ISY1: variants seen among roughly 807,000 people sequenced by gnomAD.
The protein encoded by ISY1 is ISY1 spliceosome associated protein, also known as pre-mRNA-splicing factor ISY1 homolog.
A neutral mutation model predicts 54.4 loss-of-function variants in ISY1; 12 were observed. The observed-to-expected ratio is 0.22, with a 90% CI of 0.14 to 0.36. The LOEUF (loss-of-function observed/expected upper bound fraction) is 0.36, where lower values mean the gene tolerates loss of function less well. Ranked by LOEUF, ISY1 falls within the 10% of genes least tolerant of loss-of-function variation. The pLI is 1.00. For missense variants in ISY1, 282 were observed against 342.2 expected, an observed-to-expected ratio of 0.82 and a Z score of 1.39; for synonymous variants, 96 against 117.9, an observed-to-expected ratio of 0.81 and a Z score of 1.20.
intron 7 of ISY1, among the ~76,000 whole-genome samples, chr3:129,138,451 C>G (rs369003218): frequency 6.7e-6 from 1 of 150,054 alleles, no homozygotes; most frequent in Non-Finnish European, 1.5e-5. Context: ...CTGGCTAACA[C>G]GGTGAAACCC....
chr3:129,151,663 A>T (rs530394517), intron 5 of ISY1, among the ~76,000 whole-genome samples: 1 of 152,306 alleles, frequency 6.6e-6, no homozygotes, highest in African/African-American at 2.4e-5. Context: ...TTTCTATGTT[A>T]CAATAAAGAC....
intron 6 of ISY1, among the ~76,000 whole-genome samples, chr3:129,144,772 A>G (rs1197153617): frequency 6.6e-6 from 1 of 152,162 alleles, no homozygotes; most frequent in East Asian, 1.9e-4. Flanking sequence ...AAAGTTTGAA[A>G]GCTATGGTTC....
chr3:129,150,539 G>A (rs1465777561), intron 5 of ISY1, among the ~76,000 whole-genome samples: 6 of 151,936 alleles, frequency 3.9e-5, no homozygotes, highest in Admixed American at 1.3e-4. Context: ...GTGAAACCTC[G>A]TCTCTACTAA....
chr3:129,130,172 A>C lies in ISY1; in HGVS notation c.767T>G (p.Val256Gly). The C allele has an allele frequency of 6.2e-7, 1 of 1,610,458 alleles. No homozygotes were observed. Among genetic ancestry groups the C allele is most frequent in the East Asian group, 2.2e-5 (1 of 44,728 alleles). The change falls in exon 11 of 11, where the codon GTG (valine) becomes GGG (glycine). Residue 256 changes from valine (V) to glycine (G), a missense_variant. Transcript: ENST00000393295. ...PSQQEIEEAL[V>G]RRKKMELLQK... The stretch of plus-strand genomic sequence containing the variant: ...GAGGAGTTCCATTTTCTTCCTTCGC[A>C]CCAGTGCCTCCTCAATCTGTGGAAA...
chr3:129,134,693 GC>G, intron 8 of ISY1, 138 bp downstream of exon 8: 1 of 1,216,070 alleles, frequency 8.2e-7, no homozygotes, highest in Non-Finnish European at 1.1e-6. Flanking sequence ...CAGGGAATTA[GC>G]AGACCATCAC....
At chr3:129,156,522 A>C in intron 5 of ISY1, 111 bp downstream of exon 5, 1 of 1,126,128 alleles carries the variant, frequency 8.9e-7, no homozygotes, top group Non-Finnish European at 1.3e-6. Context: ...CTATGTCCTT[A>C]CTGATTTACT....
chr3:129,149,804 A>AG (rs1936903496), intron 5 of ISY1, among the ~76,000 whole-genome samples: 2 of 115,744 alleles, frequency 1.7e-5, no homozygotes, highest in East Asian at 2.5e-4. Flanking sequence ...AAAAAAAAAA[A>AG]AAAAGAAAGA....
intron 10 of ISY1, 80 bp downstream of exon 10, chr3:129,130,470 C>T (rs763486945): frequency 6.5e-6 from 10 of 1,538,066 alleles, no homozygotes; most frequent in African/African-American, 4.1e-5. Context: ...GGAAGGACAA[C>T]GAAAACCCAC....
At chr3:129,151,821 A>G (rs1936980689) in intron 5 of ISY1, among the ~76,000 whole-genome samples, 1 of 152,042 alleles carries the variant, frequency 6.6e-6, no homozygotes, top group African/African-American at 2.4e-5. Flanking sequence ...AAAGCATTCA[A>G]TCCTTCACCA....
At chr3:129,149,113 C>T (rs1025230141) in intron 5 of ISY1, among the ~76,000 whole-genome samples, 1 of 151,890 alleles carries the variant, frequency 6.6e-6, no homozygotes, top group African/African-American at 2.4e-5. Flanking sequence ...ATAACAAGAG[C>T]CCATCTTTAC....
chr3:129,135,869 C>T (rs902348965), intron 7 of ISY1, among the ~76,000 whole-genome samples: 3 of 152,002 alleles, frequency 2.0e-5, no homozygotes, highest in East Asian at 3.9e-4. Flanking sequence ...TGGGAATAAC[C>T]TATGATTGTA....
At position 129,138,980 on chromosome 3, in the gene ISY1, G is replaced by C. The variant is rs374891788; in HGVS notation, c.418+1388C>G. Among the ~76,000 whole-genome samples the C allele has an allele frequency of 3.2e-3, 492 of 151,958 alleles. 1 individual carries two copies. The highest frequency in any genetic ancestry group is 0.011 in the African/African-American group (462 of 41,474). ...GATGGAGTCCTGCTCTGCTGCCCAG[G>C]CTGGAGCGCAGTGGGACGATCTCGG... On this transcript the variant is annotated intron_variant, in intron 7 of 10. Transcript: ENST00000393295.
chr3:129,143,272 C>T (rs1936675239), intron 6 of ISY1, among the ~76,000 whole-genome samples: 1 of 150,998 alleles, frequency 6.6e-6, no homozygotes, highest in South Asian at 2.1e-4. Flanking sequence ...TTTGGGAGAC[C>T]AAGGCGGACA....
Position 129,135,006 on chromosome 3 carries a change from C to A in ISY1, c.419-52G>T, listed in dbSNP as rs769884973. 2.6e-6 allele frequency: 4 copies of A among 1,555,224 alleles called. No individual in the cohort carries two copies. The Admixed American group carries it at 7.2e-5, about 28-fold the overall frequency. Reference sequence around the variant, plus strand: ...TTTCCAAGTCATAATCACACTCCAGCGAAGCTGTCTCCTGATGCAACGCTA... The same window carrying A: ...TTTCCAAGTCATAATCACACTCCAGAGAAGCTGTCTCCTGATGCAACGCTA... On this transcript the variant is annotated intron_variant, in intron 7 of 10. Coordinates refer to ENST00000393295, the MANE Select transcript of ISY1 (RefSeq NM_020701.4).
chr3:129,136,925 C>T (rs540754100), intron 7 of ISY1, among the ~76,000 whole-genome samples: 65 of 147,534 alleles, frequency 4.4e-4, no homozygotes, highest in African/African-American at 1.5e-3. Flanking sequence ...GACAGAGCCT[C>T]ACTCTGTTGC....
At chr3:129,160,917 C>CGGCCCCGGGGGGGGGGGGGGGG in intron 1 of ISY1, 56 bp downstream of exon 1, 1 of 668,474 alleles carries the variant, frequency 1.5e-6, no homozygotes, top group Non-Finnish European at 2.7e-6. Flanking sequence ...GTGGACTGGG[C>CGGCCCCGGGGGGGGGGGGGGGG]GCCCCCCCGC....
chr3:129,140,550 T>C, intron 6 of ISY1, 65 bp from the exon 7 acceptor site: 1 of 1,491,998 alleles, frequency 6.7e-7, no homozygotes, highest in Non-Finnish European at 9.1e-7. Context: ...TATTTATTTA[T>C]TTATTTGAGG....
chr3:129,133,929 C>T (rs905967921), intron 9 of ISY1, 145 bp downstream of exon 9: 21 of 1,411,490 alleles, frequency 1.5e-5, no homozygotes, highest in Admixed American at 8.9e-5. Context: ...CCTGTAATCT[C>T]GCAAGTGTTT....
At chr3:129,151,357 G>GGT (rs1936963371) in intron 5 of ISY1, among the ~76,000 whole-genome samples, 2 of 151,898 alleles carry the variant, frequency 1.3e-5, no homozygotes, top group African/African-American at 2.4e-5. Context: ...AGGTGGGCAT[G>GGT]GTGGCTCATG....
Sources: allele counts gnomAD v4.1 joint callset (sites outside exome capture counted in the v4.1 genomes callset), GRCh38; gene constraint gnomAD v4.1.1; transcripts MANE v1.5; gene names NCBI Gene and HGNC (gene_info 2026-07-23, HGNC 2026-07-21).